SYTL5: variants seen among roughly 807,000 people sequenced by gnomAD.
SYTL5 encodes synaptotagmin like 5, also known as synaptotagmin-like protein 5.
A neutral mutation model predicts 55.9 loss-of-function variants in SYTL5; 34 were observed. The ratio of observed to expected loss-of-function variants is 0.61; its 90% CI spans 0.46 to 0.81. The LOEUF is 0.81. Ranked by LOEUF, SYTL5 falls within the 30% of genes least tolerant of loss-of-function variation. The pLI is 0.00. For missense variants in SYTL5, 637 were observed against 546.7 expected (o/e 1.17, Z -1.65); for synonymous variants, 221 against 188.7 (o/e 1.17, Z -1.40).
chrX:37,894,341 G>T, the SYTL5 span, among the ~76,000 whole-genome samples: 4 of 111,664 alleles, frequency 3.6e-5, no homozygotes, highest in Non-Finnish European at 7.5e-5. Flanking sequence ...CATTGAGTTT[G>T]TATAAATTAG....
At chrX:37,998,230 A>T in the SYTL5 span, among the ~76,000 whole-genome samples, 1 of 112,706 alleles carries the variant, frequency 8.9e-6, no homozygotes, top group Non-Finnish European at 1.9e-5. Context: ...AGGACCCGTC[A>T]AATGGTGGGG....
intron 3 of SYTL5, among the ~76,000 whole-genome samples, chrX:38,066,745 A>C (rs73465485): frequency 0.059 from 6,562 of 111,293 alleles, 186 homozygotes; most frequent in Middle Eastern, 0.13. Flanking sequence ...CCCTTCCTCA[A>C]AGCCCTGTTA....
At chrX:38,044,325 A>G (rs942263735) in intron 2 of SYTL5, among the ~76,000 whole-genome samples, 1 of 112,056 alleles carries the variant, frequency 8.9e-6, no homozygotes, top group Non-Finnish European at 1.9e-5. Context: ...TAAAAAGGTA[A>G]AATGGGAAAA....
At position 38,072,134 on chromosome X, in the gene SYTL5, C is replaced by A; in HGVS notation, c.417C>A (p.Val139=). Reference sequence around the variant, plus strand: ...TCAATGTTCTCGGCACTGATGTTGTCCGACAGTCCATTTTAAGAAGAAGTC... The same window carrying A: ...TCAATGTTCTCGGCACTGATGTTGTACGACAGTCCATTTTAAGAAGAAGTC... ...KQVNVLGTDV[V]RQSILRRSPG... is the part of the protein sequence containing the mutation. The change falls in exon 4 of 17, where the codon GTC becomes GTA. Residue 139 remains valine (V), a synonymous_variant. Coordinates refer to ENST00000297875, the MANE Select transcript of SYTL5 (RefSeq NM_138780.3). The A allele has an allele frequency of 8.3e-7, 1 of 1,208,456 alleles. No homozygotes were observed. The highest frequency in any genetic ancestry group is 1.1e-6 in the Non-Finnish European group (1 of 893,257).
the SYTL5 span, among the ~76,000 whole-genome samples, chrX:37,930,091 T>G: frequency 4.5e-5 from 5 of 111,717 alleles, no homozygotes; most frequent in African/African-American, 1.6e-4. Context: ...GGGCACCTAT[T>G]AGGGCCTTAC....
At chrX:37,939,415 T>G in the SYTL5 span, among the ~76,000 whole-genome samples, 1 of 112,184 alleles carries the variant, frequency 8.9e-6, no homozygotes, top group Non-Finnish European at 1.9e-5. Context: ...CTTCTATCCT[T>G]CCTCTGCTGT....
the SYTL5 span, among the ~76,000 whole-genome samples, chrX:37,923,839 T>A: frequency 8.9e-6 from 1 of 112,001 alleles, no homozygotes; most frequent in Non-Finnish European, 1.9e-5. Context: ...GCAGGTGACA[T>A]TCTTAGTTAC....
the SYTL5 span, among the ~76,000 whole-genome samples, chrX:37,972,503 C>T: frequency 9.0e-6 from 1 of 111,558 alleles, no homozygotes; most frequent in Non-Finnish European, 1.9e-5. Flanking sequence ...GCTCCGGTTT[C>T]GGGCAACTCC....
At chrX:38,002,119 G>A (rs1051031155), upstream of SYTL5, among the ~76,000 whole-genome samples, 3 of 109,633 alleles carry the variant, frequency 2.7e-5, no homozygotes, top group Non-Finnish European at 5.7e-5. Context: ...TGTGGTGTTT[G>A]GTTTTTTGTC....
the SYTL5 span, among the ~76,000 whole-genome samples, chrX:37,928,544 C>T: frequency 9.0e-6 from 1 of 111,438 alleles, no homozygotes; most frequent in African/African-American, 3.3e-5. Context: ...CTCTGGCCAA[C>T]TACACAAACT....
At chrX:38,077,397 T>A (rs1454929374) in intron 6 of SYTL5, among the ~76,000 whole-genome samples, 2 of 111,681 alleles carry the variant, frequency 1.8e-5, no homozygotes, top group African/African-American at 6.5e-5. Flanking sequence ...AATTGTTAAC[T>A]CCCTTTCGTT....
intron 9 of SYTL5, among the ~76,000 whole-genome samples, chrX:38,099,219 T>C (rs1462091831): frequency 9.0e-6 from 1 of 111,176 alleles, no homozygotes; most frequent in African/African-American, 3.2e-5. Flanking sequence ...GTGATAATTG[T>C]TAAAACTAGG....
upstream of SYTL5, among the ~76,000 whole-genome samples, chrX:38,002,574 G>T (rs1933883778): frequency 8.9e-6 from 1 of 111,898 alleles, no homozygotes; most frequent in Non-Finnish European, 1.9e-5. Flanking sequence ...GTGTGAGATG[G>T]TATCTCATTG....
chrX:37,951,015 C>A, the SYTL5 span, among the ~76,000 whole-genome samples: 1 of 107,408 alleles, frequency 9.3e-6, no homozygotes, highest in Non-Finnish European at 1.9e-5. Flanking sequence ...GTAAATTGAT[C>A]TGATCTGAAG....
the SYTL5 span, among the ~76,000 whole-genome samples, chrX:37,977,091 T>C: frequency 2.7e-5 from 3 of 112,015 alleles, no homozygotes; most frequent in African/African-American, 9.7e-5. Context: ...CAATATTATT[T>C]AGCACTGATT....
chrX:37,915,047 T>G, the SYTL5 span, among the ~76,000 whole-genome samples: 1 of 111,824 alleles, frequency 8.9e-6, no homozygotes, highest in African/African-American at 3.2e-5. Flanking sequence ...TTCTTCTATA[T>G]GTCCTGAAGC....
chrX:38,056,115 A>G (rs1249172888), intron 3 of SYTL5, among the ~76,000 whole-genome samples: 5 of 111,642 alleles, frequency 4.5e-5, no homozygotes, highest in African/African-American at 1.6e-4. Flanking sequence ...CTTGACCCCC[A>G]CTACCCTTCC....
chrX:38,121,978 T>C (rs966248687), intron 14 of SYTL5, 102 bp from the exon 15 acceptor site: 7 of 791,997 alleles, frequency 8.8e-6, no homozygotes, highest in Middle Eastern at 4.0e-4. Flanking sequence ...AAATGAAATA[T>C]ATGTTTGTAG....
At chrX:38,027,442 C>T (rs776811272) in intron 1 of SYTL5, among the ~76,000 whole-genome samples, 7 of 110,769 alleles carry the variant, frequency 6.3e-5, no homozygotes, top group Non-Finnish European at 1.1e-4. Context: ...TCAGACATCA[C>T]GAATTGGTTA....
Sources: gnomAD v4.1 joint callset for allele counts (sites outside exome capture counted in the v4.1 genomes callset) on GRCh38, gnomAD v4.1.1 for gene constraint, MANE v1.5 for transcripts, NCBI Gene and HGNC (gene_info 2026-07-23, HGNC 2026-07-21) for gene names.